Variants in LMX1A observed in about 807,000 individuals in gnomAD.
LMX1A encodes the protein LIM homeobox transcription factor 1-alpha.
LMX1A carries 15 observed loss-of-function variants against 49.1 expected under a neutral mutation model. The observed-to-expected ratio is 0.31, with a 90% CI of 0.20 to 0.47. The LOEUF is 0.47. Ranked by LOEUF, LMX1A falls within the 20% of genes least tolerant of loss-of-function variation. LMX1A has a pLI of 1.00. For missense variants in LMX1A, 372 were observed against 475.8 expected, an observed-to-expected ratio of 0.78 and a Z score of 2.03; for synonymous variants, 167 against 185.7, an observed-to-expected ratio of 0.90 and a Z score of 0.82.
At chr1:165,276,720 G>A (rs1653980727) in intron 3 of LMX1A, among the ~76,000 whole-genome samples, 1 of 151,908 alleles carries the variant, frequency 6.6e-6, no homozygotes, top group Admixed American at 6.5e-5. Flanking sequence ...AATAAACTCA[G>A]ACCTGAAGAG....
chr1:165,355,398 C>T lies in LMX1A; in HGVS notation c.76+86G>A, dbSNP rs960164735. 6 of 1,324,526 alleles carry T rather than the reference C, an allele frequency of 4.5e-6. No individual in the cohort carries two copies. In the Admixed American group the frequency reaches 5.5e-5, roughly 12 times the overall value. 82.0% of individuals were successfully genotyped at this position (1,324,526 alleles called of 1,614,324 possible). ...AAGAGGGGCGCTAGCTTCCCTATCGCGGACCAGGTCCCAGAGAGCGGGGCT... is the reference window on the plus strand; with the variant it reads ...AAGAGGGGCGCTAGCTTCCCTATCGTGGACCAGGTCCCAGAGAGCGGGGCT... On this transcript the variant is annotated intron_variant, in intron 2 of 8. Coordinates refer to ENST00000342310, the MANE Select transcript of LMX1A (RefSeq NM_177398.4). The surrounding 1 kb of genome is among the most constrained non-coding windows in gnomAD (Gnocchi z 4.7).
At chr1:165,273,781 T>G (rs1653877861) in intron 3 of LMX1A, among the ~76,000 whole-genome samples, 1 of 151,928 alleles carries the variant, frequency 6.6e-6, no homozygotes, top group Non-Finnish European at 1.5e-5. Flanking sequence ...AAAAACTAAG[T>G]GACAATACAA....
At chr1:165,298,359 G>A (rs1654679857) in intron 3 of LMX1A, among the ~76,000 whole-genome samples, 1 of 152,230 alleles carries the variant, frequency 6.6e-6, no homozygotes, top group Non-Finnish European at 1.5e-5. Flanking sequence ...CAGGGAGAAA[G>A]TACAGCCTGG....
chr1:165,320,846 A>G (rs2101743612), intron 3 of LMX1A, among the ~76,000 whole-genome samples: 1 of 152,338 alleles, frequency 6.6e-6, no homozygotes, highest in African/African-American at 2.4e-5. Context: ...AGTCAGATAC[A>G]TTGTAAGAAA....
At chr1:165,248,142 G>A (rs772986670) in intron 4 of LMX1A, among the ~76,000 whole-genome samples, 46 of 152,328 alleles carry the variant, frequency 3.0e-4, no homozygotes, top group Admixed American at 7.8e-4. Context: ...CAGCATGAGG[G>A]ATTAAGAGAC....
chr1:165,211,519 G>A (rs1651392549), intron 5 of LMX1A, among the ~76,000 whole-genome samples: 2 of 152,220 alleles, frequency 1.3e-5, no homozygotes, highest in Admixed American at 6.5e-5. Flanking sequence ...GGGCCTGAGA[G>A]ACACTGACCT....
At chr1:165,238,788 G>A (rs34843714) in intron 4 of LMX1A, among the ~76,000 whole-genome samples, 17,378 of 152,216 alleles carry the variant, frequency 0.11, 1,204 homozygotes, top group Middle Eastern at 0.17. Context: ...ATACATGTAC[G>A]TTTTAAATGA....
At chr1:165,232,296 G>A (rs1353669107) in intron 4 of LMX1A, among the ~76,000 whole-genome samples, 1 of 152,218 alleles carries the variant, frequency 6.6e-6, no homozygotes, top group Non-Finnish European at 1.5e-5. Flanking sequence ...GAGACCCAGA[G>A]TTCATCAAAG....
At position 165,353,090 on chromosome 1, in the gene LMX1A, C is replaced by A. The variant is rs1450288810; in HGVS notation, c.249G>T (p.Lys83Asn). ...CGGCCACTTACTTCTCGTAGTCATA[C>A]TTGCAGTACAGCTTCTTGTCCCGGT... is the stretch of plus-strand genomic sequence containing the variant. ...CFYRDKKLYC[K>N]YDYEKLFAVK... The change falls in exon 3 of 9, where the codon AAG becomes AAT. Residue 83 changes from lysine to asparagine, a missense_variant. Physicochemically the swap from Lys to Asn is moderately conservative, Grantham distance 94. Around this residue, in one of 3 missense-constraint regions of LMX1A, gnomAD observed 199 missense variants for 244.0 expected, o/e 0.82. Coordinates refer to ENST00000342310, the MANE Select transcript of LMX1A (RefSeq NM_177398.4). 3.0e-5 allele frequency: 49 copies of A among 1,614,060 alleles called. No homozygotes were observed. Among genetic ancestry groups the A allele is most frequent in the Non-Finnish European group, 4.1e-5 (48 of 1,180,026 alleles).
At chr1:165,224,509 T>A (rs1024409334) in intron 4 of LMX1A, among the ~76,000 whole-genome samples, 1 of 152,172 alleles carries the variant, frequency 6.6e-6, no homozygotes, top group Non-Finnish European at 1.5e-5. Context: ...AGAAATTAAC[T>A]AAATGCCGGC....
At chr1:165,354,946 G>T (rs543812786) in intron 2 of LMX1A, among the ~76,000 whole-genome samples, 1 of 152,202 alleles carries the variant, frequency 6.6e-6, no homozygotes, top group Admixed American at 6.5e-5. Context: ...TCCAGCTCCA[G>T]TTAATTAACG....
At chr1:165,285,282 T>C (rs1224372552) in intron 3 of LMX1A, among the ~76,000 whole-genome samples, 1 of 152,222 alleles carries the variant, frequency 6.6e-6, no homozygotes, top group East Asian at 1.9e-4. Flanking sequence ...TCCCCATCCA[T>C]GCAGCTTAAG....
At chr1:165,296,877 G>C (rs1654636180) in intron 3 of LMX1A, among the ~76,000 whole-genome samples, 1 of 152,238 alleles carries the variant, frequency 6.6e-6, no homozygotes, top group South Asian at 2.1e-4. Flanking sequence ...AATTTTGCTT[G>C]ATTTAGCAAG....
intron 3 of LMX1A, among the ~76,000 whole-genome samples, chr1:165,271,893 C>T (rs1653805272): frequency 6.6e-6 from 1 of 152,142 alleles, no homozygotes; most frequent in Non-Finnish European, 1.5e-5. Context: ...CTTCACTTTC[C>T]CACTTTTGCC....
At chr1:165,245,402 C>T (rs760395875) in intron 4 of LMX1A, among the ~76,000 whole-genome samples, 7 of 152,166 alleles carry the variant, frequency 4.6e-5, no homozygotes, top group Admixed American at 1.3e-4. Flanking sequence ...TTCTACCCTA[C>T]GTTGAACCAA....
chr1:165,269,602 C>A (rs993971724), intron 3 of LMX1A, among the ~76,000 whole-genome samples: 1 of 152,208 alleles, frequency 6.6e-6, no homozygotes, highest in African/African-American at 2.4e-5. Context: ...TGCCTATGTT[C>A]ATTGCAGAAC....
At chr1:165,319,244 A>T (rs1655312663) in intron 3 of LMX1A, among the ~76,000 whole-genome samples, 1 of 152,194 alleles carries the variant, frequency 6.6e-6, no homozygotes, top group African/African-American at 2.4e-5. Context: ...AAATACATAG[A>T]GATACAACTG....
chr1:165,280,523 CTGTT>C (rs1369082025), intron 3 of LMX1A, among the ~76,000 whole-genome samples: 1 of 152,202 alleles, frequency 6.6e-6, no homozygotes, highest in Non-Finnish European at 1.5e-5. Context: ...CTGCATTAGA[CTGTT>C]TATTTCTACA....
intron 3 of LMX1A, among the ~76,000 whole-genome samples, chr1:165,324,938 T>C (rs1020674553): frequency 5.9e-5 from 9 of 152,328 alleles, no homozygotes; most frequent in African/African-American, 2.2e-4. Context: ...TAGAATGCCT[T>C]CTATACCAAT....
Sources: gnomAD v4.1 joint callset for allele counts (sites outside exome capture counted in the v4.1 genomes callset) on GRCh38, gnomAD v4.1.1 for gene constraint, gnomAD v4.1.1 regional missense constraint, Gnocchi (gnomAD v3.1) non-coding constraint, MANE v1.5 for transcripts, NCBI Gene and HGNC (gene_info 2026-07-23, HGNC 2026-07-21) for gene names.